MSRB3: variants seen among roughly 807,000 people sequenced by gnomAD.
MSRB3 encodes methionine-R-sulfoxide reductase B3.
In MSRB3, 13 loss-of-function variants were observed where a neutral mutation model predicts 21.0. The ratio of observed to expected loss-of-function variants is 0.62; its 90% confidence interval spans 0.40 to 0.98. The LOEUF is 0.98. MSRB3 is among the 50% of genes least tolerant of loss of function. The probability of loss-of-function intolerance (pLI) is 0.00; values close to 1 mark genes in which losing one functional copy is unlikely to be tolerated. For synonymous variants in MSRB3, 87 were observed against 88.6 expected (o/e 0.98, Z 0.10); for missense variants, 199 against 230.3 (o/e 0.86, Z 0.88).
chr12:65,397,707 C>T (rs545681506), intron 5 of MSRB3, among the ~76,000 whole-genome samples: 16 of 152,176 alleles, frequency 1.1e-4, no homozygotes, highest in Non-Finnish European at 1.8e-4. Flanking sequence ...TTGCTGCACC[C>T]ATCAACCCAT....
chr12:65,443,697 G>A lies in MSRB3; in HGVS notation c.293-10031G>A, dbSNP rs147325239. Among the ~76,000 whole-genome samples the A allele has an allele frequency of 2.7e-4, 41 of 151,948 alleles. 2 individuals carry two copies. The highest frequency in any genetic ancestry group is 9.4e-4 in the African/African-American group (39 of 41,438). On this transcript the variant is annotated intron_variant, in intron 5 of 6. Coordinates refer to ENST00000308259, the MANE Select transcript of MSRB3 (RefSeq NM_001031679.3). ...TTTTTTTTTCTGATTTTTTATTGTG[G>A]TGAAATACACATAAGAAAATTAGCA...
intron 4 of MSRB3, among the ~76,000 whole-genome samples, chr12:65,365,757 C>T (rs898632823): frequency 1.3e-5 from 2 of 152,022 alleles, no homozygotes; most frequent in Non-Finnish European, 2.9e-5. Context: ...GACACATACA[C>T]CTTATAATGA....
chr12:65,430,211 T>C (rs74099837), intron 5 of MSRB3, among the ~76,000 whole-genome samples: 44 of 152,298 alleles, frequency 2.9e-4, no homozygotes, highest in African/African-American at 9.9e-4. Context: ...TTCTGACAGT[T>C]AAAATACATC....
chr12:65,395,640 G>C, intron 5 of MSRB3, among the ~76,000 whole-genome samples: 1 of 152,146 alleles, frequency 6.6e-6, no homozygotes, highest in East Asian at 1.9e-4. Flanking sequence ...TATAGGGCTA[G>C]TGCTTTCTGT....
At chr12:65,395,931 T>C (rs1879753879) in intron 5 of MSRB3, among the ~76,000 whole-genome samples, 1 of 152,234 alleles carries the variant, frequency 6.6e-6, no homozygotes, top group African/African-American at 2.4e-5. Context: ...CTTATCAATA[T>C]TGTTGATCTT....
chr12:65,453,679 C>A, intron 5 of MSRB3, 49 bp from the exon 6 acceptor site: 1 of 1,323,628 alleles, frequency 7.6e-7, no homozygotes, highest in Non-Finnish European at 1.1e-6. Context: ...TAACCCAAGG[C>A]TGTGTATCTC....
intron 5 of MSRB3, among the ~76,000 whole-genome samples, 174 bp downstream of exon 5, chr12:65,369,200 G>T (rs1180418656): frequency 6.6e-6 from 1 of 152,118 alleles, no homozygotes; most frequent in African/African-American, 2.4e-5. Flanking sequence ...ATAATTTGAG[G>T]TGTTCACTTT....
chr12:65,315,161 A>T (rs1433052720), intron 2 of MSRB3, among the ~76,000 whole-genome samples: 3 of 152,168 alleles, frequency 2.0e-5, no homozygotes, highest in African/African-American at 7.2e-5. Context: ...TCTGCTAGGT[A>T]TACTGTAATT....
At chr12:65,409,773 A>G (rs1345179799) in intron 5 of MSRB3, among the ~76,000 whole-genome samples, 1 of 152,166 alleles carries the variant, frequency 6.6e-6, no homozygotes, top group Non-Finnish European at 1.5e-5. Context: ...AATAACTTTT[A>G]TGAGTTTTAT....
At chr12:65,444,152 A>T (rs1292976483) in intron 5 of MSRB3, among the ~76,000 whole-genome samples, 1 of 152,166 alleles carries the variant, frequency 6.6e-6, no homozygotes, top group East Asian at 1.9e-4. Context: ...ACCATGATAC[A>T]TGGCTTGGAA....
At chr12:65,292,435 T>TGTCATA (rs201224218) in intron 1 of MSRB3, among the ~76,000 whole-genome samples, 6,359 of 151,664 alleles carry the variant, frequency 0.042, 427 homozygotes, top group African/African-American at 0.15. Context: ...GCGTTGTCAT[T>TGTCATA]GTCATCGTCA....
At chr12:65,374,447 C>G (rs1878489787) in intron 5 of MSRB3, among the ~76,000 whole-genome samples, 1 of 152,146 alleles carries the variant, frequency 6.6e-6, no homozygotes, top group Admixed American at 6.5e-5. Context: ...TATACAAATT[C>G]ACATGAACTT....
chr12:65,285,247 A>T (rs1026484951), intron 1 of MSRB3: 1 of 152,168 alleles, frequency 6.6e-6, no homozygotes, highest in Non-Finnish European at 1.5e-5. Context: ...TTATCTCTTC[A>T]AGTGTTGACT....
In MSRB3 at chr12:65,463,981, G is replaced by A. The variant is rs1009492281; in HGVS notation, c.*659G>A. Reference sequence around the variant, plus strand: ...CCTTTATTTTATTTTATTTTCCATCGAAAGCATTGGAGGCCCAGTGCAATG... The same window carrying A: ...CCTTTATTTTATTTTATTTTCCATCAAAAGCATTGGAGGCCCAGTGCAATG... On this transcript the variant is annotated 3_prime_UTR_variant, in exon 7 of 7. Transcript: ENST00000308259. 1 of 152,318 alleles carries A rather than the reference G, an allele frequency of 6.6e-6. No individual in the cohort carries two copies. The highest frequency in any genetic ancestry group is 1.5e-5 in the Non-Finnish European group (1 of 68,218). The allele number at this position is 152,318 out of a possible 1,614,324, so 9.4% of individuals were successfully genotyped here. A position where few individuals can be genotyped will look rare whatever the true frequency, so the allele number is the denominator to read the frequency against.
At chr12:65,456,083 A>G in intron 6 of MSRB3, among the ~76,000 whole-genome samples, 1 of 152,162 alleles carries the variant, frequency 6.6e-6, no homozygotes. Context: ...TGATTTTATA[A>G]CTGTCACAAA....
At chr12:65,419,540 C>A in intron 5 of MSRB3, 1 of 741,484 alleles carries the variant, frequency 1.3e-6, no homozygotes, top group South Asian at 1.4e-5. Flanking sequence ...AAGGCATCAG[C>A]AGCAAGATGG....
chr12:65,445,187 T>A (rs1385804872), intron 5 of MSRB3, among the ~76,000 whole-genome samples: 1 of 152,082 alleles, frequency 6.6e-6, no homozygotes, highest in African/African-American at 2.4e-5. Context: ...ATCACCAAAA[T>A]CAGTAAACTT....
At chr12:65,455,646 T>A (rs1883054205) in intron 6 of MSRB3, among the ~76,000 whole-genome samples, 1 of 152,220 alleles carries the variant, frequency 6.6e-6, no homozygotes, top group Non-Finnish European at 1.5e-5. Flanking sequence ...GAGCTCTTTA[T>A]GGTGCCCAGA....
Position 65,418,219 on chromosome 12 carries a change from C to G in MSRB3, c.293-35509C>G, listed in dbSNP as rs1881082518. Among the ~76,000 whole-genome samples the G allele has an allele frequency of 2.6e-5, 4 of 152,202 alleles. No individual in the cohort carries two copies. In the East Asian group the frequency reaches 7.7e-4, roughly 29 times the overall value. ...TCCCAGGTTCAAGTGATTCTCCTCC[C>G]TCAGCCTCCCAAATAGGTGGGATTA... On this transcript the variant is annotated intron_variant, in intron 5 of 6. Coordinates refer to ENST00000308259, the MANE Select transcript of MSRB3 (RefSeq NM_001031679.3).
Sources: gnomAD v4.1 joint callset for allele counts (sites outside exome capture counted in the v4.1 genomes callset) on GRCh38, gnomAD v4.1.1 for gene constraint, MANE v1.5 for transcripts, NCBI Gene and HGNC (gene_info 2026-07-23, HGNC 2026-07-21) for gene names.